The following YTHDC2 variants were observed in gnomAD, a reference collection of about 807,000 sequenced individuals.
The protein encoded by YTHDC2 is 3'-5' RNA helicase YTHDC2.
A neutral mutation model predicts 174.9 loss-of-function variants in YTHDC2; 45 were observed. That is an observed-to-expected ratio of 0.26 (90% CI 0.20 to 0.33). The LOEUF (loss-of-function observed/expected upper bound fraction) is 0.33. Among genes scored for constraint, YTHDC2 ranks in the 10% least tolerant of loss-of-function variants. The pLI is 1.00. For synonymous variants in YTHDC2, 657 were observed against 574.5 expected (o/e 1.14, Z -2.05); for missense variants, 1,650 against 1,723.7 (o/e 0.96, Z 0.76).
rs139822185 is a variant in YTHDC2, at chr5:113,514,967, C to T, written c.188-305C>T. The stretch of plus-strand genomic sequence containing the variant: ...TCAGTCATTATACCAACTCAAAATT[C>T]CAGAACAAGTAAGAGGAGTCGTTTT... On this transcript the variant is annotated intron_variant, in intron 1 of 29. Coordinates refer to ENST00000161863, the MANE Select transcript of YTHDC2 (RefSeq NM_022828.5). Among the ~76,000 whole-genome samples the T allele has an allele frequency of 7.1e-4, 108 of 152,230 alleles. 1 individual carries two copies. In the East Asian group the frequency reaches 0.019, roughly 27 times the overall value.
intron 21 of YTHDC2, 56 bp from the exon 22 acceptor site, chr5:113,567,036 A>G: frequency 6.5e-7 from 1 of 1,529,908 alleles, no homozygotes; most frequent in Non-Finnish European, 8.8e-7. Flanking sequence ...TGGAAAAAAT[A>G]CACAAAAGTA....
intron 23 of YTHDC2, among the ~76,000 whole-genome samples, chr5:113,569,658 G>C (rs1236124277): frequency 2.0e-5 from 3 of 152,138 alleles, no homozygotes; most frequent in Non-Finnish European, 4.4e-5. Context: ...GGTTGTAAGT[G>C]TGTGGTCTTA....
At chr5:113,544,963 C>T (rs376611947) in intron 10 of YTHDC2, among the ~76,000 whole-genome samples, 8 of 151,856 alleles carry the variant, frequency 5.3e-5, no homozygotes, top group African/African-American at 9.7e-5. Context: ...TTTAAACTTA[C>T]GATTTTATTG....
At chr5:113,590,484 T>C (rs7729306) in intron 26 of YTHDC2, among the ~76,000 whole-genome samples, 51,080 of 152,052 alleles carry the variant, frequency 0.34, 11,099 homozygotes, top group African/African-American at 0.6. Flanking sequence ...TTGGGTTATT[T>C]ATCTTTTTTC....
rs376068693 is a variant in YTHDC2, at chr5:113,518,195, GT to G, written c.278+2848del. On this transcript the variant is annotated intron_variant, in intron 2 of 29. Transcript: ENST00000161863. ...GAGCCACTGCACCTGGCGTTTTTTT[GT>G]TTTTTTTTTTTTTTGGAGACAAGGT... is the stretch of plus-strand genomic sequence containing the variant. 6.3e-3 allele frequency among the ~76,000 whole-genome samples: 716 copies of G among 113,300 alleles called. 8 individuals carry two copies. Among genetic ancestry groups the G allele is most frequent in the African/African-American group, 0.019 (610 of 32,502 alleles). 74.3% of individuals were successfully genotyped at this position (113,300 alleles called of 152,430 possible).
chr5:113,558,631 A>C (rs1011846132), intron 17 of YTHDC2, among the ~76,000 whole-genome samples: 1 of 152,128 alleles, frequency 6.6e-6, no homozygotes, highest in Non-Finnish European at 1.5e-5. Context: ...GAGAATAATT[A>C]ATTTTTGGTT....
chr5:113,586,082 CAACT>C (rs1183720547), intron 26 of YTHDC2, among the ~76,000 whole-genome samples: 3 of 152,030 alleles, frequency 2.0e-5, no homozygotes, highest in African/African-American at 7.2e-5. Flanking sequence ...AGAAACTGTC[CAACT>C]GTTTTCCAAA....
chr5:113,579,861 G>A, intron 24 of YTHDC2, 166 bp downstream of exon 24: 1 of 985,306 alleles, frequency 1.0e-6, no homozygotes, highest in Non-Finnish European at 1.2e-6. Context: ...CTGTATTGGG[G>A]TTTATTCCAA....
chr5:113,528,139 C>T (rs1183808071), intron 4 of YTHDC2, among the ~76,000 whole-genome samples: 3 of 152,068 alleles, frequency 2.0e-5, no homozygotes, highest in African/African-American at 7.2e-5. Flanking sequence ...ATAAATAGGT[C>T]TTTGTTTAAA....
At chr5:113,579,264 A>G (rs1234048873) in intron 23 of YTHDC2, among the ~76,000 whole-genome samples, 2 of 152,108 alleles carry the variant, frequency 1.3e-5, no homozygotes, top group Non-Finnish European at 2.9e-5. Context: ...TTTGATATGT[A>G]GTATAGTCAT....
At chr5:113,573,601 C>G (rs755341148) in intron 23 of YTHDC2, among the ~76,000 whole-genome samples, 2 of 152,084 alleles carry the variant, frequency 1.3e-5, no homozygotes, top group South Asian at 2.1e-4. Context: ...TTCAGCTACC[C>G]CAGTCAGTTA....
intron 2 of YTHDC2, among the ~76,000 whole-genome samples, chr5:113,518,195 GTT>G (rs376068693): frequency 1.7e-4 from 19 of 113,298 alleles, no homozygotes; most frequent in Non-Finnish European, 2.1e-4. Flanking sequence ...GCGTTTTTTT[GTT>G]TTTTTTTTTT....
intron 23 of YTHDC2, among the ~76,000 whole-genome samples, chr5:113,573,738 C>G (rs898279152): frequency 1.3e-5 from 2 of 152,086 alleles, no homozygotes; most frequent in Admixed American, 1.3e-4. Context: ...CTCTGAGATT[C>G]TATTCTCTGC....
At chr5:113,550,822 C>T (rs986780374) in intron 12 of YTHDC2, among the ~76,000 whole-genome samples, 11 of 151,700 alleles carry the variant, frequency 7.3e-5, no homozygotes, top group African/African-American at 1.2e-4. Flanking sequence ...TAAAACCAAT[C>T]GAATTAATTG....
intron 16 of YTHDC2, among the ~76,000 whole-genome samples, chr5:113,555,822 TG>T (rs1432570893): frequency 1.3e-5 from 2 of 152,154 alleles, no homozygotes; most frequent in Non-Finnish European, 2.9e-5. Flanking sequence ...GAGCACAGAA[TG>T]GAGAAGTTTT....
At chr5:113,520,014 A>G (rs1170288666) in intron 2 of YTHDC2, among the ~76,000 whole-genome samples, 2 of 152,150 alleles carry the variant, frequency 1.3e-5, no homozygotes, top group African/African-American at 4.8e-5. Flanking sequence ...TAAGCCCTGC[A>G]TGCATTAGAT....
Position 113,535,912 on chromosome 5 carries a change from T to C in YTHDC2, c.1102+114T>C, listed in dbSNP as rs192047240. 1.1e-5 allele frequency: 9 copies of C among 821,124 alleles called. No individual in the cohort carries two copies. In the Admixed American group the frequency reaches 3.0e-4, roughly 28 times the overall value. The allele number at this position is 821,124 out of a possible 1,614,324, so 50.9% of individuals were successfully genotyped here. On this transcript the variant is annotated intron_variant, in intron 7 of 29. Transcript: ENST00000161863. Reference sequence around the variant, plus strand: ...TGAAGTAGAGGCCATCTATTACCGTTCCACCTGAGATAGGCTTAATTGTCA... The same window carrying C: ...TGAAGTAGAGGCCATCTATTACCGTCCCACCTGAGATAGGCTTAATTGTCA...
intron 23 of YTHDC2, among the ~76,000 whole-genome samples, chr5:113,572,440 T>C (rs537819853): frequency 6.6e-6 from 1 of 152,380 alleles, no homozygotes; most frequent in South Asian, 2.1e-4. Flanking sequence ...ATGTATATTC[T>C]CTTGTTTTTG....
At chr5:113,553,406 A>G in intron 13 of YTHDC2, 47 bp downstream of exon 13, 1 of 1,527,448 alleles carries the variant, frequency 6.5e-7, no homozygotes, top group South Asian at 1.3e-5. Context: ...ATATACTTTA[A>G]GAATTAATAT....
Sources: allele counts gnomAD v4.1 joint callset (sites outside exome capture counted in the v4.1 genomes callset), GRCh38; gene constraint gnomAD v4.1.1; transcripts MANE v1.5; gene names NCBI Gene and HGNC (gene_info 2026-07-23, HGNC 2026-07-21).